The following NBAS variants were observed in gnomAD, a reference collection of about 807,000 sequenced individuals.
NBAS encodes NAG/BC035112 fusion.
In NBAS, 219 loss-of-function variants were observed where a neutral mutation model predicts 302.5. That is an observed-to-expected ratio of 0.72 (90% CI 0.65 to 0.81). The LOEUF is 0.81. Ranked by LOEUF, NBAS falls within the 30% of genes least tolerant of loss-of-function variation. The pLI is 0.00. For missense variants in NBAS, 2,932 were observed against 2,841.6 expected, an observed-to-expected ratio of 1.03 and a Z score of -0.72; for synonymous variants, 1,118 against 1,021.6, an observed-to-expected ratio of 1.09 and a Z score of -1.80.
rs192153637 is a variant in NBAS at position 15,427,386 on chromosome 2, A to C, written c.2423+325T>G. 8.9e-4 allele frequency among the ~76,000 whole-genome samples: 136 copies of C among 152,286 alleles called. 1 individual carries two copies. The highest frequency in any genetic ancestry group is 3.4e-3 in the Middle Eastern group (1 of 294). Reference sequence around the variant, plus strand: ...ACAAGAAAAAAAATTAAAACTGATCAAGAACAAAATTGCATACATACCATA... The same window carrying C: ...ACAAGAAAAAAAATTAAAACTGATCCAGAACAAAATTGCATACATACCATA... On this transcript the variant is annotated intron_variant, in intron 22 of 51. Transcript: ENST00000281513.
At chr2:15,340,095 G>A (rs1368310225) in intron 35 of NBAS, among the ~76,000 whole-genome samples, 1 of 152,186 alleles carries the variant, frequency 6.6e-6, no homozygotes, top group Non-Finnish European at 1.5e-5. Context: ...TCTACTCTGA[G>A]TGAAAGGTTT....
chr2:15,179,131 CA>C lies in NBAS; in HGVS notation c.6712-16del, dbSNP rs767784044. 74 of 1,613,820 alleles carry C rather than the reference CA, an allele frequency of 4.6e-5. No individual in the cohort carries two copies. Among genetic ancestry groups the C allele is most frequent in the Non-Finnish European group, 6.0e-5 (71 of 1,179,956 alleles). On this transcript the variant is annotated splice_polypyrimidine_tract_variant and intron_variant, in intron 50 of 51. Coordinates refer to ENST00000281513, the MANE Select transcript of NBAS (RefSeq NM_015909.4). ...TCCTTCACACCCTGAAACCACAGAGCAGGGGTGAGCGAGAACTCCACGACGT... is the reference window on the plus strand; with the variant it reads ...TCCTTCACACCCTGAAACCACAGAGCGGGGTGAGCGAGAACTCCACGACGT...
the NBAS span, among the ~76,000 whole-genome samples, chr2:14,797,317 C>A: frequency 2.3e-4 from 35 of 152,116 alleles, no homozygotes; most frequent in African/African-American, 8.4e-4. Context: ...AAAGATCTTG[C>A]GACCTGCCGA....
chr2:15,554,934 GA>G (rs1398624233), intron 3 of NBAS, among the ~76,000 whole-genome samples: 35 of 151,920 alleles, frequency 2.3e-4, no homozygotes, highest in African/African-American at 8.5e-4. Flanking sequence ...CAAAAGACAC[GA>G]AACTACTCAT....
At chr2:15,027,318 A>G in the NBAS span, among the ~76,000 whole-genome samples, 6 of 152,080 alleles carry the variant, frequency 3.9e-5, no homozygotes, top group Non-Finnish European at 7.4e-5. Flanking sequence ...TTCTTTGTGT[A>G]CATTTACTGC....
At chr2:14,794,462 G>A in the NBAS span, among the ~76,000 whole-genome samples, 2 of 152,148 alleles carry the variant, frequency 1.3e-5, no homozygotes, top group East Asian at 3.9e-4. Flanking sequence ...TTTATAACAA[G>A]TGATCATTTC....
At chr2:15,551,058 T>C (rs1664359102) in intron 6 of NBAS, among the ~76,000 whole-genome samples, 1 of 152,184 alleles carries the variant, frequency 6.6e-6, no homozygotes, top group Non-Finnish European at 1.5e-5. Flanking sequence ...GGAGCAGGTC[T>C]TTTTGCTCAC....
At chr2:14,902,777 G>T in the NBAS span, among the ~76,000 whole-genome samples, 3 of 152,200 alleles carry the variant, frequency 2.0e-5, no homozygotes, top group Non-Finnish European at 4.4e-5. Context: ...GACTGGAATT[G>T]GTAGGTAATT....
chr2:14,946,074 A>AAT, the NBAS span, among the ~76,000 whole-genome samples: 3 of 152,154 alleles, frequency 2.0e-5, no homozygotes, highest in Non-Finnish European at 2.9e-5. Context: ...TCAGTCTCAA[A>AAT]ATATATATAT....
At chr2:15,347,079 T>C (rs6719420) in intron 35 of NBAS, among the ~76,000 whole-genome samples, 6 of 152,134 alleles carry the variant, frequency 3.9e-5, no homozygotes, top group Non-Finnish European at 5.9e-5. Flanking sequence ...CATATACCTA[T>C]GTAACAAACC....
In NBAS at chr2:15,356,346, G is replaced by C. The variant is rs767567374; in HGVS notation, c.3888C>G (p.Asp1296Glu). The change falls in exon 33 of 52, where the codon GAC (aspartate) becomes GAG (glutamate). Residue 1296 changes from aspartate (D) to glutamate (E), a missense_variant. Coordinates refer to ENST00000281513, the MANE Select transcript of NBAS (RefSeq NM_015909.4). ...LLVEQALRFH[D>E]YKAASMHCQE... ...GACAATGCATACTGGCTGCTTTGTAGTCATGGAAGCGAAGTGCCTGCTCCA... is the reference window on the plus strand; with the variant it reads ...GACAATGCATACTGGCTGCTTTGTACTCATGGAAGCGAAGTGCCTGCTCCA... 1.9e-6 allele frequency: 3 copies of C among 1,613,898 alleles called. No homozygotes were observed. The highest frequency in any genetic ancestry group is 3.3e-4 in the Middle Eastern group (2 of 6,060).
At chr2:15,034,301 A>G in the NBAS span, among the ~76,000 whole-genome samples, 2 of 132,472 alleles carry the variant, frequency 1.5e-5, no homozygotes, top group Admixed American at 8.1e-5. Context: ...AGAAAGAAAG[A>G]AAGATGGAGA....
the NBAS span, among the ~76,000 whole-genome samples, chr2:15,141,775 T>C: frequency 6.6e-6 from 1 of 152,204 alleles, no homozygotes; most frequent in Non-Finnish European, 1.5e-5. Context: ...ACCTGTGCTT[T>C]CTTTAGCAGA....
Position 15,328,293 on chromosome 2 carries a change from GCAC to G in NBAS, c.4364_4366del (p.Gly1455del), listed in dbSNP as rs771612804. ...ATTGGCTGTAGTTCCGATTTGATAT[GCAC>G]CACCACATTTTTGCCCCTAAAAAGA... is the stretch of plus-strand genomic sequence containing the variant. On this transcript the variant is annotated inframe_deletion, in exon 37 of 52. Transcript: ENST00000281513. The G allele has an allele frequency of 6.2e-6, 10 of 1,613,662 alleles. No individual in the cohort carries two copies. The highest frequency in any genetic ancestry group is 1.1e-5 in the South Asian group (1 of 91,052).
chr2:15,275,843 G>GT, intron 43 of NBAS, 25 bp from the exon 44 acceptor site: 1 of 1,595,348 alleles, frequency 6.3e-7, no homozygotes, highest in Admixed American at 1.7e-5. Context: ...AAGAAAGTAG[G>GT]TAAGTGGTTC....
the NBAS span, among the ~76,000 whole-genome samples, chr2:14,847,416 G>C: frequency 9.9e-6 from 1 of 101,264 alleles, no homozygotes; most frequent in Admixed American, 9.9e-5. Flanking sequence ...GACACAAATA[G>C]ACTGAAAATA....
chr2:15,038,479 C>A, the NBAS span, among the ~76,000 whole-genome samples: 1 of 152,164 alleles, frequency 6.6e-6, no homozygotes, highest in African/African-American at 2.4e-5. Flanking sequence ...CATCTCACTT[C>A]GGTCTGCACA....
chr2:15,474,048 T>C lies in NBAS; in HGVS notation c.1599+19A>G, dbSNP rs765682506. 28 of 1,614,008 alleles carry C rather than the reference T, an allele frequency of 1.7e-5. No homozygotes were observed. The Admixed American group carries it at 3.8e-4, about 22-fold the overall frequency. The stretch of plus-strand genomic sequence containing the variant: ...GCTTGATGACTTCAAACTTGGGTAG[T>C]AATATGCTACTCTCTCACCTTCCTC... On this transcript the variant is annotated intron_variant, in intron 15 of 51. Transcript: ENST00000281513.
At chr2:15,158,873 A>T in the NBAS span, among the ~76,000 whole-genome samples, 2 of 152,282 alleles carry the variant, frequency 1.3e-5, no homozygotes, top group Admixed American at 6.5e-5. Context: ...TAGACATCTC[A>T]GTGCCCTAAC....
Sources: allele counts gnomAD v4.1 joint callset (sites outside exome capture counted in the v4.1 genomes callset), GRCh38; gene constraint gnomAD v4.1.1; transcripts MANE v1.5; gene names NCBI Gene and HGNC (gene_info 2026-07-23, HGNC 2026-07-21).